PRSS23: variants seen among roughly 807,000 people sequenced by gnomAD.
PRSS23 encodes protease, serine 23.
A neutral mutation model predicts 34.7 loss-of-function variants in PRSS23; 25 were observed. That is an observed-to-expected ratio of 0.72 (90% CI 0.53 to 1.01). The LOEUF is 1.01. Among genes scored for constraint, PRSS23 ranks in the 50% least tolerant of loss-of-function variants. PRSS23 has a pLI of 0.00. For missense variants in PRSS23, 445 were observed against 475.6 expected (o/e 0.94, Z 0.60); for synonymous variants, 176 against 186.6 (o/e 0.94, Z 0.46).
At chr11:86,915,520 G>T (rs1392577727) in intron 2 of PRSS23, among the ~76,000 whole-genome samples, 1 of 149,064 alleles carries the variant, frequency 6.7e-6, no homozygotes, top group Non-Finnish European at 1.5e-5. Context: ...GCAAATATCT[G>T]CTTAGAGTCG....
intron 2 of PRSS23, among the ~76,000 whole-genome samples, chr11:86,908,365 A>G (rs770941886): frequency 3.9e-5 from 6 of 152,250 alleles, no homozygotes; most frequent in Non-Finnish European, 8.8e-5. Flanking sequence ...AAATATGTAC[A>G]TATCTATAAT....
Position 86,945,894 on chromosome 11 carries a change from A to G in PRSS23, c.207-5322A>G, listed in dbSNP as rs919324557. The G allele has an allele frequency of 5.2e-5, 8 of 152,760 alleles. 1 individual carries two copies. Among genetic ancestry groups the G allele is most frequent in the Middle Eastern group, 3.4e-3 (1 of 294 alleles). The allele number at this position is 152,760 out of a possible 1,614,324, so 9.5% of individuals were successfully genotyped here. On this transcript the variant is annotated intron_variant, in intron 2 of 2. Coordinates refer to the PRSS23 transcript ENST00000533902. ...GGTACCTCTTTGTCAAACATCTGAA[A>G]GTCCCCCAGATTGGCTTCAAGGTTC...
chr11:86,873,949 G>A (rs750413701), intron 2 of PRSS23, among the ~76,000 whole-genome samples: 3 of 152,176 alleles, frequency 2.0e-5, no homozygotes, highest in Non-Finnish European at 4.4e-5. Flanking sequence ...GTTATTCTGA[G>A]TCCTATGAGC....
rs368641804 is a variant in PRSS23 at position 86,793,384 on chromosome 11, C to T, written c.-14+2189C>T. 3.2e-4 allele frequency among the ~76,000 whole-genome samples: 48 copies of T among 152,318 alleles called. 1 individual carries two copies. Among genetic ancestry groups the T allele is most frequent in the African/African-American group, 9.9e-4 (41 of 41,574 alleles). ...GACTCCATGGTAGAGCAACTCAGAA[C>T]ACCCTGTAGTGGCCAAATTCAGAGC... On this transcript the variant is annotated intron_variant, in intron 1 of 1. Transcript: ENST00000527521.
chr11:86,848,886 T>A (rs1948508239), intron 2 of PRSS23, among the ~76,000 whole-genome samples: 1 of 152,216 alleles, frequency 6.6e-6, no homozygotes, highest in Admixed American at 6.5e-5. Context: ...AATTGCCTAG[T>A]AGGGCTTGTT....
rs112964786 is a variant in PRSS23, at chr11:86,836,348, G to A, written c.206+12755G>A. On this transcript the variant is annotated intron_variant, in intron 2 of 2. Coordinates refer to the PRSS23 transcript ENST00000533902. ...TCTAAGGGGATACTGCCTTTGGTAGGGAAAGGAGGCAGAATCCTTTAGTTT... is the reference window on the plus strand; with the variant it reads ...TCTAAGGGGATACTGCCTTTGGTAGAGAAAGGAGGCAGAATCCTTTAGTTT... Among the ~76,000 whole-genome samples, 248 of 152,204 alleles carry A rather than the reference G, an allele frequency of 1.6e-3. 3 individuals carry two copies. Among genetic ancestry groups the A allele is most frequent in the Middle Eastern group, 6.8e-3 (2 of 294 alleles).
At chr11:86,886,773 T>C (rs900304708) in intron 2 of PRSS23, among the ~76,000 whole-genome samples, 1 of 152,078 alleles carries the variant, frequency 6.6e-6, no homozygotes, top group Non-Finnish European at 1.5e-5. Context: ...ACCCCATCTT[T>C]ACTAAAAATA....
chr11:86,832,974 A>T (rs1388480626), intron 2 of PRSS23: 5 of 390,870 alleles, frequency 1.3e-5, no homozygotes, highest in Admixed American at 3.7e-5. Flanking sequence ...AAGGCAATCA[A>T]ATTGTGCAGC....
intron 2 of PRSS23, chr11:86,924,965 C>T (rs950568937): frequency 1.3e-5 from 2 of 152,160 alleles, no homozygotes; most frequent in African/African-American, 4.8e-5. Flanking sequence ...CTGAAGAAGA[C>T]TTTAACTCAC....
At chr11:86,859,304 C>T (rs1385938395) in intron 2 of PRSS23, among the ~76,000 whole-genome samples, 3 of 151,078 alleles carry the variant, frequency 2.0e-5, no homozygotes, top group East Asian at 4.0e-4. Context: ...ACTTTCAATA[C>T]CGCAGAGGGT....
At chr11:86,925,319 T>TGTGG (rs754292685) in intron 2 of PRSS23, among the ~76,000 whole-genome samples, 1 of 151,510 alleles carries the variant, frequency 6.6e-6, no homozygotes, top group African/African-American at 2.4e-5. Flanking sequence ...TGTGTGTGTG[T>TGTGG]GTGTGTGTGT....
At chr11:86,797,555 G>T (rs978342987), upstream of PRSS23, among the ~76,000 whole-genome samples, 1 of 152,186 alleles carries the variant, frequency 6.6e-6, no homozygotes, top group Admixed American at 6.5e-5. Flanking sequence ...ATGAAGGACT[G>T]TTGTGCTCTT....
At chr11:86,883,762 G>A (rs1262589060) in intron 2 of PRSS23, among the ~76,000 whole-genome samples, 2 of 152,146 alleles carry the variant, frequency 1.3e-5, no homozygotes, top group East Asian at 1.9e-4. Flanking sequence ...TATATGTTTT[G>A]GTATGTTGTG....
intron 2 of PRSS23, among the ~76,000 whole-genome samples, chr11:86,879,874 G>A (rs1456041269): frequency 6.9e-6 from 1 of 144,606 alleles, no homozygotes; most frequent in African/African-American, 2.6e-5. Context: ...GGTGAGGGGC[G>A]CCTCTGCCCG....
At chr11:86,893,093 G>A (rs1948852157) in intron 2 of PRSS23, among the ~76,000 whole-genome samples, 1 of 152,186 alleles carries the variant, frequency 6.6e-6, no homozygotes, top group Non-Finnish European at 1.5e-5. Context: ...AAGATGCTGT[G>A]AAGATGAAAA....
chr11:86,894,871 T>G (rs991198692), intron 2 of PRSS23, among the ~76,000 whole-genome samples: 8 of 152,228 alleles, frequency 5.3e-5, no homozygotes, highest in Non-Finnish European at 1.0e-4. Flanking sequence ...GGTATCTCAT[T>G]TATGTTTTTA....
chr11:86,867,117 C>G (rs889416098), intron 2 of PRSS23, among the ~76,000 whole-genome samples: 3 of 152,142 alleles, frequency 2.0e-5, no homozygotes, highest in African/African-American at 4.8e-5. Context: ...TAGCTTCATC[C>G]CCGAGCAGAA....
intron 1 of PRSS23, among the ~76,000 whole-genome samples, chr11:86,802,079 T>C (rs1948046393): frequency 2.0e-5 from 3 of 152,314 alleles, no homozygotes; most frequent in Admixed American, 6.5e-5. Flanking sequence ...TTGTCCCCAG[T>C]CTGCAATGGT....
chr11:86,850,001 A>G (rs1948517023), intron 2 of PRSS23, among the ~76,000 whole-genome samples: 1 of 152,220 alleles, frequency 6.6e-6, no homozygotes, highest in Non-Finnish European at 1.5e-5. Context: ...GAAAAGGTCA[A>G]AGAAATAAGA....
Sources: gnomAD v4.1 joint callset for allele counts (sites outside exome capture counted in the v4.1 genomes callset) on GRCh38, gnomAD v4.1.1 for gene constraint, MANE v1.5 for transcripts, NCBI Gene and HGNC (gene_info 2026-07-23, HGNC 2026-07-21) for gene names.